The following IGSF21 variants were observed in gnomAD, a reference collection of about 807,000 sequenced individuals.
IGSF21 encodes immunoglobin superfamily member 21.
IGSF21 carries 28 observed loss-of-function variants against 46.8 expected under a neutral mutation model. The observed-to-expected ratio is 0.60, with a 90% CI of 0.44 to 0.82. The LOEUF (loss-of-function observed/expected upper bound fraction) is 0.82. IGSF21 is among the 40% of genes least tolerant of loss of function. IGSF21 has a pLI of 0.00. For synonymous variants in IGSF21, 284 were observed against 273.6 expected, an observed-to-expected ratio of 1.04 and a Z score of -0.38; for missense variants, 624 against 665.5, an observed-to-expected ratio of 0.94 and a Z score of 0.69.
At chr1:18,301,282 G>A (rs1376930038) in intron 3 of IGSF21, among the ~76,000 whole-genome samples, 1 of 152,158 alleles carries the variant, frequency 6.6e-6, no homozygotes, top group African/African-American at 2.4e-5. Flanking sequence ...CCTGGGCCAT[G>A]GAGCATGGTG....
intron 3 of IGSF21, among the ~76,000 whole-genome samples, chr1:18,312,072 T>C (rs561823129): frequency 1.3e-5 from 2 of 152,242 alleles, no homozygotes; most frequent in African/African-American, 4.8e-5. Flanking sequence ...CTCCGTAGCG[T>C]GTATCTCTGC....
At chr1:18,126,229 C>T in intron 1 of IGSF21, among the ~76,000 whole-genome samples, 1 of 152,178 alleles carries the variant, frequency 6.6e-6, no homozygotes, top group East Asian at 1.9e-4. Context: ...CGCTTTGGCT[C>T]TTTCACAGAT....
intron 1 of IGSF21, chr1:18,112,916 A>G (rs2086155882): frequency 6.6e-6 from 1 of 152,206 alleles, no homozygotes; most frequent in South Asian, 2.1e-4. Context: ...TTCCGAAAAG[A>G]TGAACGACAA....
chr1:18,306,679 C>T (rs2124581045), intron 3 of IGSF21, among the ~76,000 whole-genome samples: 1 of 152,260 alleles, frequency 6.6e-6, no homozygotes, highest in African/African-American at 2.4e-5. Context: ...GCTGTTGGGC[C>T]ATCAGCTGGC....
chr1:18,108,241 C>T, intron 1 of IGSF21, 43 bp downstream of exon 1: 6 of 1,319,114 alleles, frequency 4.5e-6, no homozygotes, highest in Non-Finnish European at 5.8e-6. Context: ...GGTGAACGTG[C>T]GCGGGGACGG....
At chr1:18,277,524 A>G (rs545930061) in intron 2 of IGSF21, among the ~76,000 whole-genome samples, 9 of 152,266 alleles carry the variant, frequency 5.9e-5, no homozygotes, top group Non-Finnish European at 1.3e-4. Flanking sequence ...ACAAAGCAGT[A>G]GCAAGAGAAA....
At chr1:18,231,922 C>CGTGTGTGTGTGTGT (rs150869622) in intron 2 of IGSF21, among the ~76,000 whole-genome samples, 4,255 of 136,416 alleles carry the variant, frequency 0.031, 108 homozygotes, top group East Asian at 0.052. Flanking sequence ...ATCATTAGAT[C>CGTGTGTGTGTGTGT]GTGTGTGTGT....
At chr1:18,170,909 A>G (rs2086730128) in intron 1 of IGSF21, among the ~76,000 whole-genome samples, 1 of 152,150 alleles carries the variant, frequency 6.6e-6, no homozygotes, top group African/African-American at 2.4e-5. Context: ...GGCTTCATGG[A>G]GCAGGTGGAC....
intron 2 of IGSF21, among the ~76,000 whole-genome samples, chr1:18,286,206 A>G (rs1172755335): frequency 6.6e-6 from 1 of 152,208 alleles, no homozygotes; most frequent in Non-Finnish European, 1.5e-5. Flanking sequence ...TCTGCTGTTT[A>G]CTATTACAAG....
chr1:18,119,827 G>A (rs1179343812), intron 1 of IGSF21, among the ~76,000 whole-genome samples: 1 of 151,550 alleles, frequency 6.6e-6, no homozygotes, highest in African/African-American at 2.4e-5. Context: ...GTACCAATTT[G>A]CCATTTGGGG....
rs74058111 is a variant in IGSF21, at chr1:18,330,171, G to A, written c.306-4721G>A. 6.6e-3 allele frequency among the ~76,000 whole-genome samples: 1,003 copies of A among 152,282 alleles called. 16 individuals are homozygous for A. The highest frequency in any genetic ancestry group is 0.023 in the African/African-American group (936 of 41,558). The stretch of plus-strand genomic sequence containing the variant: ...TGCCACTCAATTCTGGGGAAAGGGA[G>A]TCTCTGGGCCACTTAATCCACTTTA... On this transcript the variant is annotated intron_variant, in intron 3 of 9. Transcript: ENST00000251296.
intron 2 of IGSF21, among the ~76,000 whole-genome samples, chr1:18,269,216 G>T (rs140581235): frequency 3.2e-4 from 48 of 152,286 alleles, no homozygotes; most frequent in African/African-American, 1.1e-3. Context: ...GGTGAGGGTG[G>T]CTGCTGATGC....
chr1:18,273,073 T>G (rs1569689616), intron 2 of IGSF21, among the ~76,000 whole-genome samples: 1 of 129,408 alleles, frequency 7.7e-6, no homozygotes, highest in South Asian at 2.5e-4. Flanking sequence ...TTAGATGGAG[T>G]CCCCCTCTGT....
intron 4 of IGSF21, among the ~76,000 whole-genome samples, chr1:18,346,367 G>C (rs1429564042): frequency 6.6e-6 from 1 of 152,086 alleles, no homozygotes; most frequent in Non-Finnish European, 1.5e-5. Context: ...TTTACCCTAT[G>C]GGCTGTCTCA....
intron 1 of IGSF21, among the ~76,000 whole-genome samples, chr1:18,199,943 G>A (rs1187599685): frequency 6.6e-6 from 1 of 151,126 alleles, no homozygotes; most frequent in Admixed American, 6.6e-5. Context: ...CATTGTGTGA[G>A]CAGGGTAACA....
chr1:18,359,383 A>AATGGAAGG (rs2086064838), intron 4 of IGSF21, among the ~76,000 whole-genome samples: 46 of 61,104 alleles, frequency 7.5e-4, no homozygotes, highest in African/African-American at 2.9e-3. Context: ...AGAAAGAAAG[A>AATGGAAGG]AAGGAAGGAA....
At chr1:18,327,395 C>T (rs2085667807) in intron 3 of IGSF21, among the ~76,000 whole-genome samples, 1 of 152,196 alleles carries the variant, frequency 6.6e-6, no homozygotes, top group African/African-American at 2.4e-5. Context: ...GCCATGTCCT[C>T]ATTTGCACAC....
At chr1:18,278,949 G>A (rs1020637643) in intron 2 of IGSF21, 24 of 470,334 alleles carry the variant, frequency 5.1e-5, no homozygotes, top group African/African-American at 8.0e-5. Flanking sequence ...GGAAATGTTC[G>A]TAATCAAATG....
At chr1:18,220,285 C>G (rs1033775955) in intron 1 of IGSF21, among the ~76,000 whole-genome samples, 8 of 152,078 alleles carry the variant, frequency 5.3e-5, no homozygotes, top group Non-Finnish European at 1.2e-4. Context: ...CTGTTGGATG[C>G]AGTTCTGATG....
Sources: gnomAD v4.1 joint callset for allele counts (sites outside exome capture counted in the v4.1 genomes callset) on GRCh38, gnomAD v4.1.1 for gene constraint, MANE v1.5 for transcripts, NCBI Gene and HGNC (gene_info 2026-07-23, HGNC 2026-07-21) for gene names.